The following SDK1 variants were observed in gnomAD, a reference collection of about 807,000 sequenced individuals.
The protein encoded by SDK1 is protein sidekick-1.
SDK1 carries 157 observed loss-of-function variants against 245.5 expected under a neutral mutation model. The observed-to-expected ratio is 0.64, with a 90% CI of 0.56 to 0.73. SDK1 has a LOEUF of 0.73. Among genes scored for constraint, SDK1 ranks in the 30% least tolerant of loss-of-function variants. The probability of loss-of-function intolerance (pLI) is 0.00; values close to 1 mark genes in which losing one functional copy is unlikely to be tolerated. For synonymous variants in SDK1, 1,647 were observed against 1,278.5 expected, an observed-to-expected ratio of 1.29 and a Z score of -6.15; for missense variants, 3,583 against 3,002.3, an observed-to-expected ratio of 1.19 and a Z score of -4.52.
intron 1 of SDK1, among the ~76,000 whole-genome samples, chr7:3,333,949 C>T (rs1388886168): frequency 6.6e-6 from 1 of 152,190 alleles, no homozygotes; most frequent in Non-Finnish European, 1.5e-5. Context: ...GTTGCTGCTC[C>T]ACTGCTGGCC....
At chr7:3,341,211 A>G (rs73048614) in intron 1 of SDK1, among the ~76,000 whole-genome samples, 22,097 of 152,180 alleles carry the variant, frequency 0.15, 2,493 homozygotes, top group African/African-American at 0.31. Flanking sequence ...GACTGGTTCA[A>G]CGTTCGAAAA....
Position 3,778,583 on chromosome 7 carries a change from G to A in SDK1, c.714-42867G>A, listed in dbSNP as rs114228755. Among the ~76,000 whole-genome samples the A allele has an allele frequency of 5.8e-3, 880 of 152,322 alleles. 6 individuals carry two copies. Among genetic ancestry groups the A allele is most frequent in the African/African-American group, 0.02 (823 of 41,570 alleles). On this transcript the variant is annotated intron_variant, in intron 4 of 44. Coordinates refer to ENST00000404826, the MANE Select transcript of SDK1 (RefSeq NM_152744.4). ...CTATATTTTTACACTGACAGCATAA[G>A]TGTATGTTTTGTATTTCATTGTAGC...
chr7:3,767,453 T>TA lies in SDK1; in HGVS notation c.714-53990dup, dbSNP rs145315812. Among the ~76,000 whole-genome samples, 9 of 152,258 alleles carry TA rather than the reference T, an allele frequency of 5.9e-5. 1 individual carries two copies. The highest frequency in any genetic ancestry group is 2.1e-4 in the South Asian group (1 of 4,818). ...CAGTGTGAGAACATGGTAAGGCTTT[T>TA]AAAAAAATTGTTTTTTCTCTTTCAT... On this transcript the variant is annotated intron_variant, in intron 4 of 44. Coordinates refer to ENST00000404826, the MANE Select transcript of SDK1 (RefSeq NM_152744.4).
chr7:3,499,918 C>T lies in SDK1; in HGVS notation c.299-119162C>T, dbSNP rs148908117. ...TTCACTATGAGTAGATCAAAGTGGG[C>T]CATTATAGGGTGAAAGGAATGTCCT... On this transcript the variant is annotated intron_variant, in intron 1 of 44. Transcript: ENST00000404826. Among the ~76,000 whole-genome samples, 356 of 152,154 alleles carry T rather than the reference C, an allele frequency of 2.3e-3. 2 individuals carry two copies. Among genetic ancestry groups the T allele is most frequent in the African/African-American group, 8.3e-3 (346 of 41,506 alleles).
chr7:3,634,192 C>G (rs529344903), intron 2 of SDK1, among the ~76,000 whole-genome samples: 1 of 152,090 alleles, frequency 6.6e-6, no homozygotes, highest in Non-Finnish European at 1.5e-5. Flanking sequence ...TCCACAAAAG[C>G]TCATAGGGTG....
chr7:4,228,807 A>G (rs688884), intron 40 of SDK1, among the ~76,000 whole-genome samples: 96,902 of 151,976 alleles, frequency 0.64, 32,312 homozygotes, highest in African/African-American at 0.81. Context: ...CAAAGTGCTG[A>G]GATTACAGGC....
chr7:4,243,427 C>T (rs753861091), intron 43 of SDK1, among the ~76,000 whole-genome samples: 40 of 152,218 alleles, frequency 2.6e-4, no homozygotes, highest in Admixed American at 1.0e-3. Flanking sequence ...CATCTGTCCT[C>T]ACGCTGCTAA....
chr7:3,809,205 A>G (rs1779324983), intron 4 of SDK1, among the ~76,000 whole-genome samples: 1 of 152,084 alleles, frequency 6.6e-6, no homozygotes, highest in African/African-American at 2.4e-5. Flanking sequence ...AGCAAGAGGG[A>G]ACGAGAGAAG....
intron 4 of SDK1, among the ~76,000 whole-genome samples, chr7:3,743,645 A>T (rs1583364873): frequency 6.6e-6 from 1 of 152,368 alleles, no homozygotes; most frequent in Middle Eastern, 3.4e-3. Context: ...TTTAAGGAAC[A>T]TTTGCTATGT....
chr7:3,446,466 A>G (rs967490589), intron 1 of SDK1, among the ~76,000 whole-genome samples: 2 of 152,144 alleles, frequency 1.3e-5, no homozygotes, highest in Non-Finnish European at 2.9e-5. Context: ...CAAAAATTAC[A>G]ATTTTTCTGC....
intron 1 of SDK1, among the ~76,000 whole-genome samples, chr7:3,585,446 GAA>G (rs1178702676): frequency 6.6e-6 from 1 of 152,166 alleles, no homozygotes; most frequent in African/African-American, 2.4e-5. Context: ...GGGATAGGTA[GAA>G]AAAAGAGATG....
At chr7:3,931,450 T>A (rs2128117522) in intron 5 of SDK1, among the ~76,000 whole-genome samples, 1 of 152,352 alleles carries the variant, frequency 6.6e-6, no homozygotes, top group East Asian at 1.9e-4. Flanking sequence ...CTTATGGGGC[T>A]TCTATCCTAA....
intron 28 of SDK1, among the ~76,000 whole-genome samples, chr7:4,139,577 G>GTATATA (rs1779376640): frequency 2.0e-5 from 1 of 50,718 alleles, no homozygotes; most frequent in Non-Finnish European, 4.1e-5. Flanking sequence ...GTATATGTGT[G>GTATATA]TGTGTATGTG....
At chr7:4,094,765 A>G (rs1489362910) in intron 22 of SDK1, among the ~76,000 whole-genome samples, 3 of 152,174 alleles carry the variant, frequency 2.0e-5, no homozygotes, top group African/African-American at 7.2e-5. Flanking sequence ...CCAGGCCAGG[A>G]GAATCGGGTC....
intron 1 of SDK1, among the ~76,000 whole-genome samples, chr7:3,443,950 T>C (rs2128589430): frequency 6.6e-6 from 1 of 152,326 alleles, no homozygotes; most frequent in East Asian, 1.9e-4. Context: ...AATGGTTTAA[T>C]AACAAAAGAG....
chr7:4,210,112 G>A lies in SDK1; in HGVS notation c.5489G>A (p.Gly1830Asp), dbSNP rs745305864. The A allele has an allele frequency of 8.1e-6, 13 of 1,609,244 alleles. No homozygotes were observed. The South Asian group carries it at 8.9e-5, about 11-fold the overall frequency. The change falls in exon 38 of 45, where the codon GGC (glycine) becomes GAC (aspartate). Residue 1830 changes from glycine to aspartate, a missense_variant. By Grantham distance (94) the Gly-to-Asp change is moderately conservative. Transcript: ENST00000404826. ...TGGGGCGAGCCTGCGGCGGCCAACG[G>A]CATCCTGCAGGGCTATCGGGTGGTG... ...VSWGEPAAAN[G>D]ILQGYRVVYE...
chr7:3,429,214 A>G (rs559719151), intron 1 of SDK1, among the ~76,000 whole-genome samples: 4 of 137,344 alleles, frequency 2.9e-5, no homozygotes, highest in African/African-American at 8.4e-5. Flanking sequence ...TTGTGGATAG[A>G]TGAAGGCTGA....
chr7:3,989,253 A>G (rs7778552), intron 14 of SDK1, among the ~76,000 whole-genome samples: 1 of 152,214 alleles, frequency 6.6e-6, no homozygotes, highest in Non-Finnish European at 1.5e-5. Context: ...CATGTCTCAC[A>G]TGGCGGCAGA....
chr7:3,652,060 C>A (rs1436827911), intron 4 of SDK1, among the ~76,000 whole-genome samples: 1 of 151,992 alleles, frequency 6.6e-6, no homozygotes, highest in African/African-American at 2.4e-5. Flanking sequence ...ATATTGGCCT[C>A]CGTTTTATGT....
Sources: allele counts gnomAD v4.1 joint callset (sites outside exome capture counted in the v4.1 genomes callset), GRCh38; gene constraint gnomAD v4.1.1; transcripts MANE v1.5; gene names NCBI Gene and HGNC (gene_info 2026-07-23, HGNC 2026-07-21).